ADGRL3: variants seen among roughly 807,000 people sequenced by gnomAD.
ADGRL3 encodes the protein calcium-independent alpha-latrotoxin receptor 3.
ADGRL3 carries 62 observed loss-of-function variants against 153.5 expected under a neutral mutation model. The observed-to-expected ratio is 0.40, with a 90% CI of 0.33 to 0.50. The LOEUF is 0.50. Ranked by LOEUF, ADGRL3 falls within the 20% of genes least tolerant of loss-of-function variation. ADGRL3 has a pLI of 0.47. For synonymous variants in ADGRL3, 710 were observed against 672.5 expected (o/e 1.06, Z -0.86); for missense variants, 1,641 against 1,859.4 (o/e 0.88, Z 2.16).
chr4:61,772,491 G>A (rs999133548), intron 8 of ADGRL3, among the ~76,000 whole-genome samples: 2 of 152,094 alleles, frequency 1.3e-5, no homozygotes, highest in African/African-American at 4.8e-5. Flanking sequence ...TTTAATTTAA[G>A]TTTTACACGA....
rs1320969603 is a variant in ADGRL3, at chr4:61,958,305, G to C, written c.2805+10029G>C. Among the ~76,000 whole-genome samples the C allele has an allele frequency of 2.0e-5, 3 of 152,186 alleles. 1 individual carries two copies. Among genetic ancestry groups the C allele is most frequent in the South Asian group, 4.1e-4 (2 of 4,826 alleles). ...ATAAGACCTCTTACATATCCAAAAA[G>C]TGTCTTGTTTTGCTTTGTCTTCATT... On this transcript the variant is annotated intron_variant, in intron 17 of 26. Transcript: ENST00000683033.
At chr4:61,212,584 G>A (rs1189364920) in intron 1 of ADGRL3, among the ~76,000 whole-genome samples, 1 of 145,756 alleles carries the variant, frequency 6.9e-6, no homozygotes, top group Non-Finnish European at 1.5e-5. Context: ...GTGCCTTAAA[G>A]CTATTATATG....
intron 4 of ADGRL3, among the ~76,000 whole-genome samples, chr4:61,555,569 T>A (rs1210927157): frequency 6.6e-6 from 1 of 152,076 alleles, no homozygotes; most frequent in Non-Finnish European, 1.5e-5. Context: ...CCTGCCCTCA[T>A]GGGAAGGCAT....
intron 25 of ADGRL3, among the ~76,000 whole-genome samples, chr4:62,061,870 A>C (rs1307266776): frequency 6.6e-6 from 1 of 152,014 alleles, no homozygotes; most frequent in Non-Finnish European, 1.5e-5. Context: ...CAGTTGAAGG[A>C]AATTTGGGTT....
At chr4:61,946,439 G>T (rs1158361772) in intron 15 of ADGRL3, among the ~76,000 whole-genome samples, 1 of 151,726 alleles carries the variant, frequency 6.6e-6, no homozygotes, top group Admixed American at 6.6e-5. Flanking sequence ...AAAATGTTTT[G>T]TATAATAATG....
Position 61,259,209 on chromosome 4 carries a change from G to A in ADGRL3, c.-240+57444G>A, listed in dbSNP as rs184018722. ...GGAGGCCGAGGCGGCGGATCACGAGGTCAGGAGATCGAGACCATCCTGGCT... is the reference window on the plus strand; with the variant it reads ...GGAGGCCGAGGCGGCGGATCACGAGATCAGGAGATCGAGACCATCCTGGCT... On this transcript the variant is annotated intron_variant, in intron 1 of 26. Transcript: ENST00000683033. Among the ~76,000 whole-genome samples the A allele has an allele frequency of 9.2e-3, 1,398 of 152,204 alleles. 22 individuals are homozygous for A. Among genetic ancestry groups the A allele is most frequent in the African/African-American group, 0.032 (1,325 of 41,518 alleles).
intron 6 of ADGRL3, among the ~76,000 whole-genome samples, chr4:61,677,798 C>T (rs746382654): frequency 1.3e-4 from 19 of 151,864 alleles, no homozygotes; most frequent in Non-Finnish European, 2.6e-4. Context: ...AGCAAGTTTG[C>T]GTTTGTAAAG....
chr4:62,027,778 A>T (rs1719621132), intron 21 of ADGRL3, among the ~76,000 whole-genome samples: 1 of 152,000 alleles, frequency 6.6e-6, no homozygotes, highest in African/African-American at 2.4e-5. Flanking sequence ...TATTCATAAT[A>T]AATTGTTTCA....
At chr4:62,041,924 A>G (rs2151642934) in intron 24 of ADGRL3, among the ~76,000 whole-genome samples, 1 of 152,196 alleles carries the variant, frequency 6.6e-6, no homozygotes, top group East Asian at 1.9e-4. Context: ...CTGCATTCCA[A>G]TGCTGGTTAT....
intron 4 of ADGRL3, among the ~76,000 whole-genome samples, chr4:61,572,897 G>T (rs973760520): frequency 3.9e-5 from 6 of 151,964 alleles, no homozygotes; most frequent in South Asian, 2.1e-4. Context: ...CCCAAAGAAA[G>T]AACTGTTTTC....
chr4:61,224,120 G>T (rs779226973), intron 1 of ADGRL3, among the ~76,000 whole-genome samples: 5 of 152,122 alleles, frequency 3.3e-5, no homozygotes, highest in Non-Finnish European at 7.4e-5. Flanking sequence ...TGTATACTGT[G>T]TGGGGCCGCA....
At chr4:61,624,016 G>A (rs1022040037) in intron 5 of ADGRL3, among the ~76,000 whole-genome samples, 25 of 152,110 alleles carry the variant, frequency 1.6e-4, no homozygotes, top group African/African-American at 5.1e-4. Context: ...ACATGGGGGT[G>A]AATAAAGAGT....
rs561667150 is a variant in ADGRL3, at chr4:61,950,174, A to T, written c.2805+1898A>T. 1.4e-3 allele frequency among the ~76,000 whole-genome samples: 217 copies of T among 152,308 alleles called. 1 individual carries two copies. The highest frequency in any genetic ancestry group is 4.8e-3 in the African/African-American group (198 of 41,576). On this transcript the variant is annotated intron_variant, in intron 17 of 26. Transcript: ENST00000683033. ...TATTTTTAACCATACTGTTCAGTTC[A>T]GCACATATGTGTTAGTAGTGTAATA... is the stretch of plus-strand genomic sequence containing the variant.
chr4:61,278,071 A>C (rs2149922883), intron 1 of ADGRL3, among the ~76,000 whole-genome samples: 1 of 152,294 alleles, frequency 6.6e-6, no homozygotes, highest in East Asian at 1.9e-4. Flanking sequence ...ATTAAAGTAA[A>C]ATTGGGTAAT....
chr4:61,207,155 C>T (rs532608674), intron 1 of ADGRL3, among the ~76,000 whole-genome samples: 42 of 151,902 alleles, frequency 2.8e-4, no homozygotes, highest in African/African-American at 8.2e-4. Flanking sequence ...ACCCATCAAC[C>T]CATCATCTAC....
At chr4:62,017,206 G>A (rs1237126682) in intron 21 of ADGRL3, among the ~76,000 whole-genome samples, 1 of 151,778 alleles carries the variant, frequency 6.6e-6, no homozygotes, top group Non-Finnish European at 1.5e-5. Context: ...ATTTGATTTG[G>A]ATCGCAATTG....
At position 61,517,460 on chromosome 4, in the gene ADGRL3, T is replaced by C. The variant is rs1490062324; in HGVS notation, c.201T>C (p.Arg67=). The C allele has an allele frequency of 1.3e-6, 1 of 793,936 alleles. No individual in the cohort carries two copies. Among genetic ancestry groups the C allele is most frequent in the Non-Finnish European group, 2.1e-6 (1 of 468,298 alleles). The allele number at this position is 793,936 out of a possible 1,614,324, so 49.2% of individuals were successfully genotyped here. A position where few individuals can be genotyped will look rare whatever the true frequency, so the allele number is the denominator to read the frequency against. The change falls in exon 4 of 27, where the codon CGT becomes CGC. Residue 67 remains arginine (R), a synonymous_variant. Coordinates refer to ENST00000683033, the MANE Select transcript of ADGRL3 (RefSeq NM_001387552.1). ...RTAAHRGQGP[R]GATRGVRGPG... ...CTGCTCATCGTGGACAAGGGCCCCG[T>C]GGAGCTACCAGAGGAGTTCGCGGTC... is the stretch of plus-strand genomic sequence containing the variant.
At chr4:61,945,782 C>T (rs1334126519) in intron 15 of ADGRL3, among the ~76,000 whole-genome samples, 1 of 151,820 alleles carries the variant, frequency 6.6e-6, no homozygotes, top group African/African-American at 2.4e-5. Context: ...CAATGCCTCG[C>T]CCTGCTTCGG....
chr4:61,844,576 A>ATATG (rs1415357071), intron 9 of ADGRL3, among the ~76,000 whole-genome samples: 13 of 9,462 alleles, frequency 1.4e-3, no homozygotes, highest in Admixed American at 2.4e-3. Context: ...AAAAAAAAAA[A>ATATG]TATATATATA....
Sources: allele counts gnomAD v4.1 joint callset (sites outside exome capture counted in the v4.1 genomes callset), GRCh38; gene constraint gnomAD v4.1.1; transcripts MANE v1.5; gene names NCBI Gene and HGNC (gene_info 2026-07-23, HGNC 2026-07-21).